The following CFI variants were observed in gnomAD, a reference collection of about 807,000 sequenced individuals.
The protein encoded by CFI is C3B/C4B inactivator.
A neutral mutation model predicts 78.8 loss-of-function variants in CFI; 66 were observed. The ratio of observed to expected loss-of-function variants is 0.84; its 90% CI spans 0.69 to 1.03. CFI has a LOEUF of 1.03. Among genes scored for constraint, CFI ranks in the 50% least tolerant of loss-of-function variants. CFI has a pLI of 0.00. For synonymous variants in CFI, 250 were observed against 232.6 expected, an observed-to-expected ratio of 1.07 and a Z score of -0.68; for missense variants, 706 against 704.5, an observed-to-expected ratio of 1.00 and a Z score of -0.02.
chr4:109,801,570 G>A (rs1010067983), intron 1 of CFI, among the ~76,000 whole-genome samples: 2 of 152,192 alleles, frequency 1.3e-5, no homozygotes, highest in Admixed American at 1.3e-4. Flanking sequence ...GTTGAAGGAA[G>A]AGATCAGTCT....
intron 2 of CFI, among the ~76,000 whole-genome samples, chr4:109,765,801 TG>T (rs1289339860): frequency 6.6e-6 from 1 of 151,226 alleles, no homozygotes; most frequent in African/African-American, 2.4e-5. Context: ...GGGAGAGGGT[TG>T]GGGGGGACGG....
intron 1 of CFI, among the ~76,000 whole-genome samples, chr4:109,790,281 T>G (rs529457585): frequency 5.3e-5 from 8 of 152,176 alleles, no homozygotes; most frequent in African/African-American, 1.7e-4. Context: ...TTGATTCTAT[T>G]GTCTTACTAT....
rs747708326 is a variant in CFI at position 109,749,608 on chromosome 4, A to G, written c.941-6T>C. ...TGATTTTATCCGTCTTCTTTCTTCA[A>G]GAAAGGAAGAGATTACATCATTATT... On this transcript the variant is annotated splice_polypyrimidine_tract_variant and splice_region_variant and intron_variant, in intron 8 of 12. Coordinates refer to ENST00000394634, the MANE Select transcript of CFI (RefSeq NM_000204.5). 2.6e-6 allele frequency: 4 copies of G among 1,525,964 alleles called. No homozygotes were observed. Among genetic ancestry groups the G allele is most frequent in the Non-Finnish European group, 3.6e-6 (4 of 1,099,774 alleles). 94.5% of individuals were successfully genotyped at this position (1,525,964 alleles called of 1,614,324 possible).
At chr4:109,760,049 A>T in intron 6 of CFI, 2 of 679,384 alleles carry the variant, frequency 2.9e-6, no homozygotes, top group Non-Finnish European at 5.4e-6. Flanking sequence ...TTGTATGTGC[A>T]GTGAGACCGT....
At chr4:109,742,669 C>A (rs1723950949) in intron 11 of CFI, 74 bp from the exon 12 acceptor site, 2 of 956,744 alleles carry the variant, frequency 2.1e-6, no homozygotes, top group South Asian at 1.3e-5. Flanking sequence ...ATAACTTAAA[C>A]CATTGGGATT....
At chr4:109,743,289 T>C (rs537501702) in intron 11 of CFI, among the ~76,000 whole-genome samples, 1 of 152,304 alleles carries the variant, frequency 6.6e-6, no homozygotes, top group African/African-American at 2.4e-5. Flanking sequence ...TTTTTAAAAA[T>C]AGTAATTTCT....
Position 109,766,614 on chromosome 4 carries a change from TC to T in CFI, c.267del (p.Ser90ValfsTer12), listed in dbSNP as rs2126224367. ...RRSFPTYCQQ[K>X]SLECLHPGTK... Reference sequence around the variant, plus strand: ...GTCCCTGGATGAAGACATTCCAAACTCTTTTGTTGACAGTATGTTGGGAAGC... The same window carrying T: ...GTCCCTGGATGAAGACATTCCAAACTTTTTGTTGACAGTATGTTGGGAAGC... On this transcript the variant is annotated frameshift_variant, in exon 2 of 13. Coordinates refer to ENST00000394634, the MANE Select transcript of CFI (RefSeq NM_000204.5). LOFTEE classifies it high-confidence loss of function. The T allele has an allele frequency of 6.2e-7, 1 of 1,614,216 alleles. No individual in the cohort carries two copies. Among genetic ancestry groups the T allele is most frequent in the Non-Finnish European group, 8.5e-7 (1 of 1,180,030 alleles).
intron 7 of CFI, 21 bp from the exon 8 acceptor site, chr4:109,752,524 C>T (rs762139412): frequency 1.2e-6 from 2 of 1,600,530 alleles, no homozygotes; most frequent in Non-Finnish European, 1.7e-6. Context: ...ACAAAAGATT[C>T]CAATGTTTAA....
At chr4:109,765,867 C>T (rs1727673298) in intron 2 of CFI, among the ~76,000 whole-genome samples, 1 of 152,110 alleles carries the variant, frequency 6.6e-6, no homozygotes. Flanking sequence ...GCCTGTAATC[C>T]CAGCACTTTG....
chr4:109,792,229 A>C (rs1731469777), intron 1 of CFI, among the ~76,000 whole-genome samples: 1 of 152,120 alleles, frequency 6.6e-6, no homozygotes, highest in Non-Finnish European at 1.5e-5. Context: ...TTCCTTATTG[A>C]CCTTCTATTC....
At chr4:109,786,509 A>C (rs986589770) in intron 1 of CFI, among the ~76,000 whole-genome samples, 2 of 152,130 alleles carry the variant, frequency 1.3e-5, no homozygotes, top group Non-Finnish European at 1.5e-5. Flanking sequence ...ATATAGCTAT[A>C]TGCCTTATCC....
At chr4:109,757,278 C>T (rs1236578934) in intron 7 of CFI, among the ~76,000 whole-genome samples, 1 of 149,684 alleles carries the variant, frequency 6.7e-6, no homozygotes, top group East Asian at 2.0e-4. Context: ...TCGTGATCCA[C>T]CCGCCTTGGC....
downstream of CFI, among the ~76,000 whole-genome samples, chr4:109,737,975 G>T (rs1723465459): frequency 6.6e-6 from 1 of 152,174 alleles, no homozygotes; most frequent in South Asian, 2.1e-4. Flanking sequence ...GCTTGACCCT[G>T]GTCTACTTTT....
intron 7 of CFI, among the ~76,000 whole-genome samples, chr4:109,753,615 T>C (rs1470093893): frequency 1.0e-5 from 1 of 97,280 alleles, no homozygotes; most frequent in African/African-American, 4.3e-5. Flanking sequence ...TATATATTTA[T>C]TATATATTTA....
At position 109,759,483 on chromosome 4, in the gene CFI, A is replaced by G. The variant is rs148629522; in HGVS notation, c.883+787T>C. 2.7e-3 allele frequency among the ~76,000 whole-genome samples: 408 copies of G among 152,302 alleles called. 1 individual carries two copies. The highest frequency in any genetic ancestry group is 4.2e-3 in the Non-Finnish European group (288 of 68,024). ...CGTTAGTGAATTACTATTATAGTGA[A>G]TTATTATATCTAACATAGATTTTAG... On this transcript the variant is annotated intron_variant, in intron 6 of 12. Coordinates refer to ENST00000394634, the MANE Select transcript of CFI (RefSeq NM_000204.5).
At chr4:109,785,783 C>A (rs899576105) in intron 1 of CFI, among the ~76,000 whole-genome samples, 1 of 151,938 alleles carries the variant, frequency 6.6e-6, no homozygotes, top group African/African-American at 2.4e-5. Context: ...CTTGTAATAG[C>A]GAGTGAATTC....
chr4:109,743,190 G>T (rs763109268), intron 11 of CFI, among the ~76,000 whole-genome samples: 3 of 152,086 alleles, frequency 2.0e-5, no homozygotes, highest in Non-Finnish European at 4.4e-5. Flanking sequence ...GAGCCATCGT[G>T]CCCAGCCAGG....
chr4:109,783,812 G>GAGATATTCATAT lies in CFI; in HGVS notation c.58-16989_58-16988insATATGAATATCT, dbSNP rs375076885. ...TTCAATGAGTGGATAAAGAAACTGT[G>GAGATATTCATAT]ATATATATATATATATATATATGAT... On this transcript the variant is annotated intron_variant, in intron 1 of 12. Transcript: ENST00000394634. Among the ~76,000 whole-genome samples, 67 of 113,038 alleles carry GAGATATTCATAT rather than the reference G, an allele frequency of 5.9e-4. No homozygotes were observed. In the East Asian group the frequency reaches 0.01, roughly 18 times the overall value. 74.2% of individuals were successfully genotyped at this position (113,038 alleles called of 152,430 possible).
chr4:109,746,152 C>T (rs2126185964), intron 11 of CFI, 70 bp downstream of exon 11: 5 of 1,531,778 alleles, frequency 3.3e-6, no homozygotes, highest in Non-Finnish European at 4.5e-6. Flanking sequence ...AGGAAATTAG[C>T]TCCTATACAT....
Sources: allele counts gnomAD v4.1 joint callset (sites outside exome capture counted in the v4.1 genomes callset), GRCh38; gene constraint gnomAD v4.1.1; transcripts MANE v1.5; gene names NCBI Gene and HGNC (gene_info 2026-07-23, HGNC 2026-07-21).